The following CDH23 variants were observed in gnomAD, a reference collection of about 807,000 sequenced individuals.
CDH23 encodes the protein cadherin-23.
CDH23 carries 189 observed loss-of-function variants against 317.1 expected under a neutral mutation model. That is an observed-to-expected ratio of 0.60 (90% CI 0.53 to 0.67). The LOEUF is 0.67. Among genes scored for constraint, CDH23 ranks in the 30% least tolerant of loss-of-function variants. The probability of loss-of-function intolerance (pLI) is 0.00; values close to 1 mark genes in which losing one functional copy is unlikely to be tolerated. For synonymous variants in CDH23, 1,839 were observed against 1,876.8 expected (o/e 0.98, Z 0.52); for missense variants, 4,401 against 4,592.4 (o/e 0.96, Z 1.20).
At chr10:71,434,336 T>TC (rs1383761329) in intron 1 of CDH23, among the ~76,000 whole-genome samples, 1 of 152,148 alleles carries the variant, frequency 6.6e-6, no homozygotes, top group Admixed American at 6.5e-5. Flanking sequence ...CAGTCTCAGC[T>TC]CCCCCAGGGT....
intron 38 of CDH23, among the ~76,000 whole-genome samples, chr10:71,758,742 C>G (rs752892400): frequency 3.3e-5 from 5 of 152,144 alleles, no homozygotes; most frequent in Non-Finnish European, 7.4e-5. Flanking sequence ...TAAGAATTCC[C>G]TGAGGCTAGG....
At chr10:71,621,084 A>G (rs1224890580) in intron 11 of CDH23, among the ~76,000 whole-genome samples, 2 of 152,242 alleles carry the variant, frequency 1.3e-5, no homozygotes, top group Non-Finnish European at 2.9e-5. Flanking sequence ...GCAGTTAAAC[A>G]TTGCCTGAGT....
chr10:71,715,733 G>T (rs1282269512), intron 28 of CDH23: 7 of 464,918 alleles, frequency 1.5e-5, no homozygotes, highest in African/African-American at 1.0e-4. Flanking sequence ...CAGCGAGGGG[G>T]TCTGCAGAGA....
intron 38 of CDH23, among the ~76,000 whole-genome samples, chr10:71,774,298 G>A (rs1840767036): frequency 6.7e-6 from 1 of 149,148 alleles, no homozygotes; most frequent in South Asian, 2.1e-4. Context: ...CTAACTTCTA[G>A]TGCCTCTGCT....
chr10:71,425,201 G>A (rs912729730), intron 1 of CDH23, among the ~76,000 whole-genome samples: 2 of 141,960 alleles, frequency 1.4e-5, no homozygotes, highest in African/African-American at 5.3e-5. Context: ...AACCGGCTTG[G>A]CTAAAATCAC....
chr10:71,655,969 G>A (rs1483532664), intron 14 of CDH23, among the ~76,000 whole-genome samples: 2 of 152,128 alleles, frequency 1.3e-5, no homozygotes, highest in Non-Finnish European at 2.9e-5. Flanking sequence ...GCTGGCCAGA[G>A]AACCCCAAGG....
intron 10 of CDH23, among the ~76,000 whole-genome samples, chr10:71,616,543 T>C (rs184692214): frequency 3.2e-4 from 49 of 152,372 alleles, no homozygotes; most frequent in African/African-American, 1.1e-3. Context: ...TTTTTCTGTC[T>C]TTATATAAAA....
intron 2 of CDH23, among the ~76,000 whole-genome samples, 151 bp downstream of exon 2, chr10:71,440,049 G>A (rs944806537): frequency 2.0e-5 from 3 of 152,130 alleles, no homozygotes; most frequent in Non-Finnish European, 4.4e-5. Context: ...TTCCCTCTCT[G>A]GGCCTCAGTT....
At position 71,806,347 on chromosome 10, in the gene CDH23, C is replaced by T. The variant is rs570261325; in HGVS notation, c.8178+66C>T. ...GGACTCACCTGCCTGCAAGCACACA[C>T]TCTCCTATATACACTGTGCCAGAAT... On this transcript the variant is annotated intron_variant, in intron 57 of 69. Transcript: ENST00000224721. 4 of 1,087,678 alleles carry T rather than the reference C, an allele frequency of 3.7e-6. No individual in the cohort carries two copies. The South Asian group carries it at 5.3e-5, about 15-fold the overall frequency. 67.4% of individuals were successfully genotyped at this position (1,087,678 alleles called of 1,614,324 possible). A position where few individuals can be genotyped will look rare whatever the true frequency, so the allele number is the denominator to read the frequency against.
chr10:71,785,298 C>G (rs1841073608), intron 43 of CDH23, among the ~76,000 whole-genome samples, 198 bp downstream of exon 43: 2 of 152,332 alleles, frequency 1.3e-5, no homozygotes, highest in African/African-American at 2.4e-5. Flanking sequence ...TAGAGCCAGC[C>G]CTGAAGCTTG....
intron 11 of CDH23, among the ~76,000 whole-genome samples, chr10:71,631,081 C>CA (rs887707221): frequency 1.3e-5 from 2 of 152,094 alleles, no homozygotes; most frequent in Non-Finnish European, 2.9e-5. Flanking sequence ...CCCATCTCTA[C>CA]AAAAAAATTC....
intron 3 of CDH23, among the ~76,000 whole-genome samples, chr10:71,456,461 G>A (rs140085303): frequency 5.6e-4 from 81 of 144,462 alleles, no homozygotes; most frequent in African/African-American, 2.2e-3. Context: ...ACTCCCAAGC[G>A]GTCCCTGTCT....
At chr10:71,673,589 T>A (rs1269557600) in intron 14 of CDH23, among the ~76,000 whole-genome samples, 1 of 152,154 alleles carries the variant, frequency 6.6e-6, no homozygotes, top group Non-Finnish European at 1.5e-5. Flanking sequence ...CAAGCGCCCC[T>A]CTTGGCTCAG....
chr10:71,730,684 G>T, intron 31 of CDH23, 80 bp downstream of exon 31: 2 of 1,570,014 alleles, frequency 1.3e-6, no homozygotes, highest in East Asian at 2.3e-5. Flanking sequence ...CCTTCGAAAC[G>T]GTCATCCCTG....
At chr10:71,596,129 G>A (rs552894723) in intron 9 of CDH23, among the ~76,000 whole-genome samples, 2 of 152,104 alleles carry the variant, frequency 1.3e-5, no homozygotes, top group South Asian at 4.2e-4. Context: ...CTCAGCAGTG[G>A]GGAGAGACTG....
chr10:71,568,859 C>G (rs1857573062), intron 7 of CDH23, among the ~76,000 whole-genome samples: 1 of 152,166 alleles, frequency 6.6e-6, no homozygotes, highest in African/African-American at 2.4e-5. Flanking sequence ...CTTTCCCCAC[C>G]ACAGAGTCCA....
At chr10:71,587,009 T>C (rs1344053746) in intron 9 of CDH23, among the ~76,000 whole-genome samples, 1 of 152,256 alleles carries the variant, frequency 6.6e-6, no homozygotes, top group African/African-American at 2.4e-5. Flanking sequence ...AACATCTGTG[T>C]ATCTCTCTCT....
At chr10:71,610,000 GAGAC>G (rs1182641408) in intron 9 of CDH23, among the ~76,000 whole-genome samples, 3 of 150,600 alleles carry the variant, frequency 2.0e-5, no homozygotes, top group Non-Finnish European at 4.4e-5. Context: ...GTGTGTGAGA[GAGAC>G]AGAGAGACGA....
At chr10:71,569,895 A>T (rs1025433401) in intron 7 of CDH23, among the ~76,000 whole-genome samples, 57 of 150,814 alleles carry the variant, frequency 3.8e-4, no homozygotes, top group African/African-American at 9.2e-4. Context: ...ATTAAAAAAA[A>T]ATTTTTTTTT....
Sources: gnomAD v4.1 joint callset for allele counts (sites outside exome capture counted in the v4.1 genomes callset) on GRCh38, gnomAD v4.1.1 for gene constraint, MANE v1.5 for transcripts, NCBI Gene and HGNC (gene_info 2026-07-23, HGNC 2026-07-21) for gene names.